TOX: variants seen among roughly 807,000 people sequenced by gnomAD.
TOX encodes thymocyte selection associated high mobility group box.
A neutral mutation model predicts 53.7 loss-of-function variants in TOX; 11 were observed. That is an observed-to-expected ratio of 0.20 (90% CI 0.13 to 0.34). TOX has a LOEUF of 0.34. Among genes scored for constraint, TOX ranks in the 10% least tolerant of loss-of-function variants. The pLI is 1.00. For synonymous variants in TOX, 225 were observed against 245.3 expected (o/e 0.92, Z 0.77); for missense variants, 570 against 664.6 (o/e 0.86, Z 1.56).
intron 3 of TOX, among the ~76,000 whole-genome samples, chr8:58,905,413 C>G (rs765326281): frequency 1.3e-4 from 20 of 152,196 alleles, no homozygotes; most frequent in Admixed American, 5.2e-4. Context: ...CATTTTCTAA[C>G]TTGAAAGGTG....
chr8:59,048,908 A>C (rs1460631072), intron 1 of TOX, among the ~76,000 whole-genome samples: 1 of 152,194 alleles, frequency 6.6e-6, no homozygotes, highest in Non-Finnish European at 1.5e-5. Flanking sequence ...TATAAGCATA[A>C]GAGATATTAA....
chr8:58,986,928 G>A (rs1324009701), intron 1 of TOX, among the ~76,000 whole-genome samples: 1 of 152,220 alleles, frequency 6.6e-6, no homozygotes, highest in Admixed American at 6.5e-5. Context: ...TCCTGCTGTG[G>A]AGAAGTGAGG....
intron 1 of TOX, among the ~76,000 whole-genome samples, chr8:59,011,053 A>G (rs1457616506): frequency 2.0e-5 from 3 of 152,234 alleles, no homozygotes; most frequent in African/African-American, 7.2e-5. Context: ...GAACTCATGG[A>G]AAAACCATGA....
intron 3 of TOX, among the ~76,000 whole-genome samples, chr8:58,877,182 A>T (rs1322367369): frequency 6.6e-6 from 1 of 152,206 alleles, no homozygotes; most frequent in Non-Finnish European, 1.5e-5. Flanking sequence ...CATTACGAAA[A>T]GATTTTCCAT....
At chr8:58,895,387 T>C (rs1480795229) in intron 3 of TOX, among the ~76,000 whole-genome samples, 1 of 152,176 alleles carries the variant, frequency 6.6e-6, no homozygotes, top group Non-Finnish European at 1.5e-5. Flanking sequence ...AGCAAACGTA[T>C]AAATATATGA....
chr8:58,905,399 T>C (rs894504613), intron 3 of TOX, among the ~76,000 whole-genome samples: 3 of 152,256 alleles, frequency 2.0e-5, no homozygotes, highest in Non-Finnish European at 4.4e-5. Context: ...GTTTACCACC[T>C]GAACATTTTC....
intron 3 of TOX, among the ~76,000 whole-genome samples, chr8:58,905,768 G>A (rs544740188): frequency 3.9e-5 from 6 of 152,092 alleles, no homozygotes; most frequent in Non-Finnish European, 8.8e-5. Context: ...TTACAATTTG[G>A]ATTCCCTTTT....
chr8:58,912,505 C>T (rs1462586438), intron 3 of TOX, among the ~76,000 whole-genome samples: 1 of 152,194 alleles, frequency 6.6e-6, no homozygotes, highest in African/African-American at 2.4e-5. Flanking sequence ...ATTTGTTTCA[C>T]ATTAAGTTAC....
chr8:59,003,557 A>G (rs770410359), intron 1 of TOX, among the ~76,000 whole-genome samples: 16 of 152,346 alleles, frequency 1.1e-4, no homozygotes, highest in Middle Eastern at 6.8e-3. Flanking sequence ...CGGGGGGAAA[A>G]GGAATGAATA....
At chr8:59,033,369 C>A (rs903489225) in intron 1 of TOX, among the ~76,000 whole-genome samples, 1 of 152,196 alleles carries the variant, frequency 6.6e-6, no homozygotes, top group Non-Finnish European at 1.5e-5. Context: ...TTACAAGTTG[C>A]TGGCAGAGGG....
intron 1 of TOX, among the ~76,000 whole-genome samples, chr8:59,029,486 A>G (rs909815373): frequency 6.6e-6 from 1 of 152,196 alleles, no homozygotes; most frequent in Admixed American, 6.5e-5. Flanking sequence ...TAATAGCACA[A>G]TTCTAACTAT....
At chr8:58,808,589 A>C (rs1462510764) in intron 7 of TOX, among the ~76,000 whole-genome samples, 1 of 152,248 alleles carries the variant, frequency 6.6e-6, no homozygotes, top group Non-Finnish European at 1.5e-5. Flanking sequence ...AGAGGGCCTA[A>C]ACCCCTCAAA....
At chr8:59,012,479 A>G (rs191158072) in intron 1 of TOX, among the ~76,000 whole-genome samples, 1 of 151,892 alleles carries the variant, frequency 6.6e-6, no homozygotes, top group East Asian at 1.9e-4. Flanking sequence ...TGCTTTGTGC[A>G]CAGCTGGCAG....
At chr8:58,848,298 T>A (rs1379612243) in intron 4 of TOX, among the ~76,000 whole-genome samples, 1 of 151,670 alleles carries the variant, frequency 6.6e-6, no homozygotes, top group Non-Finnish European at 1.5e-5. Flanking sequence ...ATAAGAGCAA[T>A]CTTAAAGAAG....
At chr8:58,995,801 C>T (rs1055821429) in intron 1 of TOX, among the ~76,000 whole-genome samples, 15 of 152,296 alleles carry the variant, frequency 9.8e-5, no homozygotes, top group African/African-American at 3.6e-4. Flanking sequence ...GATGTACTTG[C>T]TTGAATGAAT....
At chr8:59,098,182 C>T (rs1212709945) in intron 1 of TOX, among the ~76,000 whole-genome samples, 1 of 152,186 alleles carries the variant, frequency 6.6e-6, no homozygotes, top group Non-Finnish European at 1.5e-5. Flanking sequence ...GGTTCAACAG[C>T]ACAGAGAGTG....
At chr8:58,892,298 GAGAA>G (rs1009735756) in intron 3 of TOX, among the ~76,000 whole-genome samples, 3 of 152,152 alleles carry the variant, frequency 2.0e-5, no homozygotes, top group African/African-American at 4.8e-5. Context: ...GATGTGAGGA[GAGAA>G]AGAAAGAGAG....
intron 1 of TOX, among the ~76,000 whole-genome samples, chr8:58,993,898 C>T (rs1465933864): frequency 6.6e-6 from 1 of 152,004 alleles, no homozygotes; most frequent in Admixed American, 6.5e-5. Context: ...CAGAGAAAAG[C>T]ATTCCCCGAA....
At chr8:59,080,852 CAATT>C (rs1804394406) in intron 1 of TOX, among the ~76,000 whole-genome samples, 1 of 152,104 alleles carries the variant, frequency 6.6e-6, no homozygotes, top group Admixed American at 6.5e-5. Flanking sequence ...AGAACTGGGC[CAATT>C]AAACCTCTTT....
Sources: gnomAD v4.1 joint callset for allele counts (sites outside exome capture counted in the v4.1 genomes callset) on GRCh38, gnomAD v4.1.1 for gene constraint, MANE v1.5 for transcripts, NCBI Gene and HGNC (gene_info 2026-07-23, HGNC 2026-07-21) for gene names.